FAM20A: variants seen among roughly 807,000 people sequenced by gnomAD.
FAM20A encodes the protein FAM20A golgi associated secretory pathway pseudokinase.
FAM20A carries 42 observed loss-of-function variants against 52.0 expected under a neutral mutation model. That is an observed-to-expected ratio of 0.81 (90% CI 0.63 to 1.04). FAM20A has a LOEUF of 1.04. FAM20A is among the 50% of genes least tolerant of loss of function. The pLI is 0.00. For synonymous variants in FAM20A, 304 were observed against 298.9 expected (o/e 1.02, Z -0.18); for missense variants, 742 against 712.7 (o/e 1.04, Z -0.47).
chr17:68,551,343 G>A, intron 4 of FAM20A: 1 of 390,196 alleles, frequency 2.6e-6, no homozygotes, highest in Non-Finnish European at 4.5e-6. Flanking sequence ...AGCCTTTCTT[G>A]ATTGTCTAGT....
At chr17:68,588,873 T>C (rs1029938628) in intron 1 of FAM20A, among the ~76,000 whole-genome samples, 1 of 152,228 alleles carries the variant, frequency 6.6e-6, no homozygotes, top group African/African-American at 2.4e-5. Context: ...TCAATTTCTT[T>C]CACTTTAACA....
intron 1 of FAM20A, among the ~76,000 whole-genome samples, chr17:68,584,355 A>G (rs1274120664): frequency 8.2e-6 from 1 of 121,726 alleles, no homozygotes; most frequent in Non-Finnish European, 1.9e-5. Context: ...AACAAAAAAA[A>G]AACCCAAACA....
chr17:68,599,382 G>A (rs920038176), intron 1 of FAM20A, among the ~76,000 whole-genome samples: 2 of 152,230 alleles, frequency 1.3e-5, no homozygotes, highest in African/African-American at 4.8e-5. Flanking sequence ...CCTGCCACTA[G>A]CAAGGGATCT....
chr17:68,554,734 T>C, intron 3 of FAM20A, 43 bp downstream of exon 3: 1 of 1,474,386 alleles, frequency 6.8e-7, no homozygotes, highest in East Asian at 2.6e-5. Context: ...TGCACAGCTG[T>C]GAGGGTGAAG....
At position 68,537,228 on chromosome 17, in the gene FAM20A, G is replaced by A. The variant is rs1386121110; in HGVS notation, c.*249C>T. On this transcript the variant is annotated 3_prime_UTR_variant, in exon 11 of 11. Coordinates refer to ENST00000592554, the MANE Select transcript of FAM20A (RefSeq NM_017565.4). This position sits in a 1 kb window ranked among gnomAD's most constrained non-coding sequence, Gnocchi z 4.2. Reference sequence around the variant, plus strand: ...GATTTCCCAGTGCACTCAGGAGATCGTCGGTGGCCTTGATGAAGCCAGTGC... The same window carrying A: ...GATTTCCCAGTGCACTCAGGAGATCATCGGTGGCCTTGATGAAGCCAGTGC... 4.6e-6 allele frequency: 3 copies of A among 646,528 alleles called. No individual in the cohort carries two copies. The highest frequency in any genetic ancestry group is 1.8e-5 in the African/African-American group (1 of 55,992). 40.0% of individuals were successfully genotyped at this position (646,528 alleles called of 1,614,324 possible). A position where few individuals can be genotyped will look rare whatever the true frequency, so the allele number is the denominator to read the frequency against.
At chr17:68,564,284 C>CTCCTATACCA (rs1230983243) in intron 1 of FAM20A, among the ~76,000 whole-genome samples, 1 of 152,166 alleles carries the variant, frequency 6.6e-6, no homozygotes, top group Non-Finnish European at 1.5e-5. Context: ...CTGATACTAC[C>CTCCTATACCA]TCCTATACCA....
At position 68,594,533 on chromosome 17, in the gene FAM20A, C is replaced by T. The variant is rs79296786; in HGVS notation, c.404+5730G>A. 8.2e-3 allele frequency among the ~76,000 whole-genome samples: 1,244 copies of T among 152,290 alleles called. 44 individuals are homozygous for T. In the East Asian group the frequency reaches 0.12, roughly 15 times the overall value. ...AGGTCAGATGTCCAGCTTGGTGTGGCTGTATGCTTTGCACAGGGACTTAGC... is the reference window on the plus strand; with the variant it reads ...AGGTCAGATGTCCAGCTTGGTGTGGTTGTATGCTTTGCACAGGGACTTAGC... On this transcript the variant is annotated intron_variant, in intron 1 of 10. Coordinates refer to ENST00000592554, the MANE Select transcript of FAM20A (RefSeq NM_017565.4).
At chr17:68,567,199 C>G (rs2087401055) in intron 1 of FAM20A, among the ~76,000 whole-genome samples, 1 of 151,914 alleles carries the variant, frequency 6.6e-6, no homozygotes, top group Admixed American at 6.5e-5. Flanking sequence ...CCTATGGTCT[C>G]TGTCTCAACT....
At chr17:68,546,558 T>C (rs1024138993) in intron 4 of FAM20A, among the ~76,000 whole-genome samples, 2 of 151,954 alleles carry the variant, frequency 1.3e-5, no homozygotes, top group Non-Finnish European at 2.9e-5. Context: ...TGGCTGGGCG[T>C]GGTGGCTCGC....
rs1568744126 is a variant in FAM20A at position 68,555,639 on chromosome 17, C to CGGTTAATA, written c.501_508dup (p.Arg170LeufsTer22). On this transcript the variant is annotated frameshift_variant, in exon 2 of 11. Coordinates refer to ENST00000592554, the MANE Select transcript of FAM20A (RefSeq NM_017565.4). LOFTEE classifies it high-confidence loss of function. ...GCTGGACCGGGAGTAGAGCCCATGG[C>CGGTTAATA]GGTTAATACCCAGGTGGAACTGGAC... is the stretch of plus-strand genomic sequence containing the variant. 1 of 1,613,724 alleles carries CGGTTAATA rather than the reference C, an allele frequency of 6.2e-7. No individual in the cohort carries two copies. The highest frequency in any genetic ancestry group is 2.2e-5 in the East Asian group (1 of 44,890).
intron 1 of FAM20A, among the ~76,000 whole-genome samples, chr17:68,599,566 T>A (rs1236028307): frequency 6.6e-6 from 1 of 152,192 alleles, no homozygotes; most frequent in African/African-American, 2.4e-5. Context: ...TCCAAGTCAG[T>A]CCAAATCACC....
rs973311956 is a variant in FAM20A, at chr17:68,600,921, T to TG, written c.-256dup. 2.2e-6 allele frequency: 1 copy of TG among 449,374 alleles called. No individual in the cohort carries two copies. Among genetic ancestry groups the TG allele is most frequent in the African/African-American group, 2.1e-5 (1 of 48,256 alleles). The allele number at this position is 449,374 out of a possible 1,614,324, so 27.8% of individuals were successfully genotyped here. A position where few individuals can be genotyped will look rare whatever the true frequency, so the allele number is the denominator to read the frequency against. ...CTCCGCGCCGAGTGAGCCGAGGGAA[T>TG]GGGGTTCCCGGGGTGCCCGCTTCTT... On this transcript the variant is annotated 5_prime_UTR_variant, in exon 1 of 11. Transcript: ENST00000592554. The surrounding 1 kb of genome is among the most constrained non-coding windows in gnomAD (Gnocchi z 6.2).
At chr17:68,551,978 C>G (rs752721214) in intron 3 of FAM20A, 27 bp from the exon 4 acceptor site, 30 of 1,497,800 alleles carry the variant, frequency 2.0e-5, no homozygotes, top group Non-Finnish European at 2.7e-5. Context: ...GGTGAGTTAA[C>G]CATGCTTCCG....
chr17:68,597,612 T>C (rs1366216470), intron 1 of FAM20A, among the ~76,000 whole-genome samples: 1 of 152,200 alleles, frequency 6.6e-6, no homozygotes, highest in African/African-American at 2.4e-5. Context: ...CTTGAACGCC[T>C]GACCTCAGGT....
chr17:68,543,459 G>A (rs1453409389), intron 5 of FAM20A, among the ~76,000 whole-genome samples, 170 bp downstream of exon 5: 1 of 152,106 alleles, frequency 6.6e-6, no homozygotes, highest in Non-Finnish European at 1.5e-5. Context: ...TCAATCTGGG[G>A]GGTTGCATGG....
intron 10 of FAM20A, among the ~76,000 whole-genome samples, chr17:68,538,769 A>G (rs1021943919): frequency 6.6e-6 from 1 of 152,246 alleles, no homozygotes; most frequent in African/African-American, 2.4e-5. Context: ...GAGTGGGTCA[A>G]CGATTAAAGT....
At position 68,581,347 on chromosome 17, in the gene FAM20A, A is replaced by G. The variant is rs559339182; in HGVS notation, c.404+18916T>C. Among the ~76,000 whole-genome samples the G allele has an allele frequency of 2.6e-3, 204 of 78,208 alleles. 1 individual carries two copies. The highest frequency in any genetic ancestry group is 7.8e-3 in the African/African-American group (155 of 19,950). 51.3% of individuals were successfully genotyped at this position (78,208 alleles called of 152,430 possible). On this transcript the variant is annotated intron_variant, in intron 1 of 10. Transcript: ENST00000592554. The stretch of plus-strand genomic sequence containing the variant: ...AGTTGAAAAGGTATCTCCGAAATGC[A>G]GTTTTTCTTTCTTTCTTTCTTTCTT...
At chr17:68,552,722 C>T (rs902598285) in intron 3 of FAM20A, among the ~76,000 whole-genome samples, 5 of 95,088 alleles carry the variant, frequency 5.3e-5, no homozygotes, top group South Asian at 3.6e-4. Flanking sequence ...TCGCCCAGGC[C>T]GGACTGCGGA....
At chr17:68,541,648 CTGGTTATAGCAAGTGCTGTGCTG>C (rs1229866685) in intron 7 of FAM20A, 1 of 221,408 alleles carries the variant, frequency 4.5e-6, no homozygotes, top group Non-Finnish European at 9.0e-6. Context: ...CGTGTGCTCC[CTGGTTATAGCAAGTGCTGTGCTG>C]TGTTTTCGTG....
Sources: gnomAD v4.1 joint callset for allele counts (sites outside exome capture counted in the v4.1 genomes callset) on GRCh38, gnomAD v4.1.1 for gene constraint, Gnocchi (gnomAD v3.1) non-coding constraint, MANE v1.5 for transcripts, NCBI Gene and HGNC (gene_info 2026-07-23, HGNC 2026-07-21) for gene names.